MTUS2: variants seen among roughly 807,000 people sequenced by gnomAD.
The protein encoded by MTUS2 is microtubule-associated tumor suppressor candidate 2.
In MTUS2, 40 loss-of-function variants were observed where a neutral mutation model predicts 114.1. That is an observed-to-expected ratio of 0.35 (90% CI 0.27 to 0.46). The LOEUF is 0.46. Among genes scored for constraint, MTUS2 ranks in the 20% least tolerant of loss-of-function variants. The pLI, the probability that MTUS2 is intolerant of heterozygous loss-of-function variation, is 1.00. For synonymous variants in MTUS2, 688 were observed against 672.0 expected (o/e 1.02, Z -0.37); for missense variants, 1,679 against 1,705.4 (o/e 0.98, Z 0.27).
intron 2 of MTUS2, among the ~76,000 whole-genome samples, chr13:28,962,770 G>T (rs1178890290): frequency 1.3e-5 from 2 of 152,164 alleles, no homozygotes; most frequent in Admixed American, 1.3e-4. Context: ...TGTTCTGGGT[G>T]TCTCAGAGGT....
At chr13:29,329,672 G>A (rs140822697) in intron 7 of MTUS2, among the ~76,000 whole-genome samples, 2,880 of 149,562 alleles carry the variant, frequency 0.019, 71 homozygotes, top group African/African-American at 0.066. Context: ...GGAGTGCAGT[G>A]GTGTGATCTT....
intron 5 of MTUS2, among the ~76,000 whole-genome samples, chr13:29,107,771 T>C (rs1291635545): frequency 6.6e-6 from 1 of 152,218 alleles, no homozygotes; most frequent in African/African-American, 2.4e-5. Context: ...TTTCCAAACT[T>C]AGATGTCTCG....
intron 2 of MTUS2, among the ~76,000 whole-genome samples, chr13:28,875,488 A>C (rs182247523): frequency 6.6e-6 from 1 of 152,226 alleles, no homozygotes; most frequent in Non-Finnish European, 1.5e-5. Context: ...GTTGTAGTCA[A>C]CCTATGTCTT....
At chr13:28,985,505 A>G (rs2096208394) in intron 2 of MTUS2, among the ~76,000 whole-genome samples, 1 of 151,964 alleles carries the variant, frequency 6.6e-6, no homozygotes, top group Non-Finnish European at 1.5e-5. Context: ...AATGCATTTT[A>G]TCAAAATTTG....
chr13:29,099,063 A>G (rs367774160), intron 4 of MTUS2, among the ~76,000 whole-genome samples: 30 of 152,386 alleles, frequency 2.0e-4, no homozygotes, highest in African/African-American at 7.0e-4. Context: ...CACTGTGAAC[A>G]TGATATCTGA....
intron 2 of MTUS2, among the ~76,000 whole-genome samples, chr13:28,910,049 T>C (rs996481999): frequency 6.6e-6 from 1 of 152,208 alleles, no homozygotes; most frequent in Admixed American, 6.5e-5. Context: ...AGTTATACTC[T>C]TTTATTTTTA....
intron 8 of MTUS2, among the ~76,000 whole-genome samples, chr13:29,375,583 ATATACGT>A (rs1350154349): frequency 0.084 from 418 of 4,990 alleles, 43 homozygotes; most frequent in African/African-American, 0.1. Flanking sequence ...ACATATATAT[ATATACGT>A]ATATATATAT....
chr13:29,449,664 GT>G lies in MTUS2; in HGVS notation c.3184+9626del, dbSNP rs35247389. Among the ~76,000 whole-genome samples the G allele has an allele frequency of 8.1e-4, 120 of 148,654 alleles. 1 individual carries two copies. The highest frequency in any genetic ancestry group is 6.8e-3 in the Middle Eastern group (2 of 292). On this transcript the variant is annotated intron_variant, in intron 9 of 15. Coordinates refer to ENST00000612955, the MANE Select transcript of MTUS2 (RefSeq NM_001033602.4). Reference sequence around the variant, plus strand: ...GCATTCGCACCCTGACCACCAAGTGGTTTTTTTTTTTCCAATTTTTAATTTG... The same window carrying G: ...GCATTCGCACCCTGACCACCAAGTGGTTTTTTTTTTCCAATTTTTAATTTG...
At chr13:29,330,921 C>CT (rs1900745966) in intron 7 of MTUS2, among the ~76,000 whole-genome samples, 1 of 152,032 alleles carries the variant, frequency 6.6e-6, no homozygotes, top group African/African-American at 2.4e-5. Flanking sequence ...AATGCAGGCT[C>CT]TTTTTTGGTT....
chr13:28,885,356 A>G (rs1254188212), intron 2 of MTUS2, among the ~76,000 whole-genome samples: 1 of 152,206 alleles, frequency 6.6e-6, no homozygotes, highest in Non-Finnish European at 1.5e-5. Context: ...GAAGGAAAAG[A>G]AGCTGACACT....
intron 6 of MTUS2, among the ~76,000 whole-genome samples, chr13:29,295,121 C>CT (rs574096841): frequency 8.8e-4 from 127 of 143,632 alleles, no homozygotes; most frequent in Non-Finnish European, 1.4e-3. Context: ...TGGCTGTTGC[C>CT]TTTTTTTTTT....
chr13:28,863,218 C>T (rs935694824), intron 2 of MTUS2, among the ~76,000 whole-genome samples: 5 of 152,192 alleles, frequency 3.3e-5, no homozygotes, highest in African/African-American at 1.2e-4. Flanking sequence ...TCTAGCTTTC[C>T]TTGTGTTTCC....
intron 8 of MTUS2, among the ~76,000 whole-genome samples, chr13:29,371,167 G>A (rs1871156538): frequency 6.6e-6 from 1 of 151,772 alleles, no homozygotes; most frequent in African/African-American, 2.4e-5. Flanking sequence ...GCACTGATAT[G>A]CTTTTTATTT....
At chr13:29,212,314 G>C (rs1296908908) in intron 5 of MTUS2, among the ~76,000 whole-genome samples, 1 of 151,722 alleles carries the variant, frequency 6.6e-6, no homozygotes, top group Non-Finnish European at 1.5e-5. Context: ...ACATACTTTG[G>C]ATGATTAAAA....
chr13:29,114,494 A>G (rs1891005956), intron 5 of MTUS2, among the ~76,000 whole-genome samples: 1 of 152,250 alleles, frequency 6.6e-6, no homozygotes. Flanking sequence ...ATAGTGTCTA[A>G]ATATAATAGT....
At chr13:29,495,181 C>CA (rs71090260) in intron 12 of MTUS2, among the ~76,000 whole-genome samples, 3,964 of 29,936 alleles carry the variant, frequency 0.13, 404 homozygotes, top group Non-Finnish European at 0.15. Flanking sequence ...AACTCCGTCT[C>CA]AAAAAAAAAA....
At chr13:29,045,321 G>A (rs996817201) in intron 4 of MTUS2, among the ~76,000 whole-genome samples, 2 of 152,066 alleles carry the variant, frequency 1.3e-5, no homozygotes, top group East Asian at 1.9e-4. Context: ...GCAGATGGAT[G>A]CATTTTTGCC....
intron 2 of MTUS2, among the ~76,000 whole-genome samples, chr13:28,924,761 A>C (rs1303211012): frequency 6.6e-6 from 1 of 152,126 alleles, no homozygotes; most frequent in East Asian, 1.9e-4. Context: ...TCAGTCAAGG[A>C]ACTATCTTTG....
intron 8 of MTUS2, among the ~76,000 whole-genome samples, chr13:29,436,469 G>A (rs760244689): frequency 7.9e-5 from 12 of 152,212 alleles, no homozygotes; most frequent in Non-Finnish European, 1.5e-4. Context: ...AGAGTGTTTG[G>A]TGGTGGACAG....
Sources: gnomAD v4.1 joint callset for allele counts (sites outside exome capture counted in the v4.1 genomes callset) on GRCh38, gnomAD v4.1.1 for gene constraint, MANE v1.5 for transcripts, NCBI Gene and HGNC (gene_info 2026-07-23, HGNC 2026-07-21) for gene names.